HPRT1: variants seen among roughly 807,000 people sequenced by gnomAD.
HPRT1 encodes the protein hypoxanthine phosphoribosyltransferase 1, also known as hypoxanthine-guanine phosphoribosyltransferase.
In HPRT1, 4 loss-of-function variants were observed where a neutral mutation model predicts 19.0. The observed-to-expected ratio is 0.21, with a 90% CI of 0.10 to 0.48. The LOEUF (loss-of-function observed/expected upper bound fraction) is 0.48, where lower values mean the gene tolerates loss of function less well. Among genes scored for constraint, HPRT1 ranks in the 20% least tolerant of loss-of-function variants. The pLI is 0.98. For missense variants in HPRT1, 65 were observed against 164.0 expected (o/e 0.40, Z 3.30); for synonymous variants, 53 against 54.9 (o/e 0.97, Z 0.15).
At chrX:134,477,192 C>T (rs2077628188) in intron 3 of HPRT1, among the ~76,000 whole-genome samples, 1 of 107,000 alleles carries the variant, frequency 9.3e-6, no homozygotes. Context: ...TCCCGAGTAG[C>T]TGGGACTACA....
At chrX:134,460,563 GA>G in intron 1 of HPRT1, 1 of 241,381 alleles carries the variant, frequency 4.1e-6, no homozygotes, top group African/African-American at 2.9e-5. Flanking sequence ...GGAGCCCTGG[GA>G]AAAGAGGACT....
intron 1 of HPRT1, among the ~76,000 whole-genome samples, chrX:134,465,074 C>A (rs2077593597): frequency 9.1e-6 from 1 of 110,347 alleles, no homozygotes; most frequent in African/African-American, 3.3e-5. Flanking sequence ...GCGCCCGCCA[C>A]CACGCCCAGC....
At chrX:134,470,448 T>G (rs1305202374) in intron 1 of HPRT1, among the ~76,000 whole-genome samples, 1 of 112,076 alleles carries the variant, frequency 8.9e-6, no homozygotes, top group African/African-American at 3.2e-5. Context: ...TAAATATGTA[T>G]TTTTAAATGT....
intron 3 of HPRT1, among the ~76,000 whole-genome samples, chrX:134,479,940 T>C (rs2077634957): frequency 9.0e-6 from 1 of 110,634 alleles, no homozygotes; most frequent in Non-Finnish European, 1.9e-5. Context: ...TATTTTATTT[T>C]ATTTTATTTT....
chrX:134,476,415 A>G (rs1416118838), intron 3 of HPRT1, among the ~76,000 whole-genome samples: 1 of 112,536 alleles, frequency 8.9e-6, no homozygotes, highest in Non-Finnish European at 1.9e-5. Flanking sequence ...GTCTTGCTTG[A>G]ATTAAAGACT....
Position 134,500,266 on chromosome X carries a change from A to C in HPRT1, c.*189A>C. 2.3e-6 allele frequency: 1 copy of C among 436,443 alleles called. No homozygotes were observed. Among genetic ancestry groups the C allele is most frequent in the South Asian group, 3.6e-5 (1 of 27,692 alleles). 36.0% of individuals were successfully genotyped at this position (436,443 alleles called of 1,213,427 possible). On this transcript the variant is annotated 3_prime_UTR_variant, in exon 9 of 9. Transcript: ENST00000298556. ...TCCTAAACTGTTTATTTGCACTATG[A>C]GCCTATAGACTATCAGTTCCCTTTG...
At chrX:134,479,696 C>T (rs5978009) in intron 3 of HPRT1, among the ~76,000 whole-genome samples, 2,122 of 110,998 alleles carry the variant, frequency 0.019, 42 homozygotes, top group African/African-American at 0.066. Flanking sequence ...GCAACCTCTG[C>T]GTGGGCTCAA....
chrX:134,492,921 A>G (rs770920814), intron 5 of HPRT1, among the ~76,000 whole-genome samples: 4 of 111,952 alleles, frequency 3.6e-5, no homozygotes, highest in South Asian at 3.7e-4. Context: ...GTCTCCAGCC[A>G]TGATGTTTCT....
At chrX:134,486,393 G>A (rs1235309401) in intron 3 of HPRT1, 72 bp from the exon 4 acceptor site, 2 of 510,952 alleles carry the variant, frequency 3.9e-6, no homozygotes, top group Non-Finnish European at 5.9e-6. Context: ...GTTTGTGTGT[G>A]TACATAAGGA....
intron 5 of HPRT1, among the ~76,000 whole-genome samples, chrX:134,493,171 A>G (rs2077672026): frequency 9.0e-6 from 1 of 111,190 alleles, no homozygotes; most frequent in Admixed American, 9.6e-5. Context: ...TATATTGGAG[A>G]GTTGGGAGGA....
At chrX:134,491,006 GTA>G (rs370671664) in intron 5 of HPRT1, among the ~76,000 whole-genome samples, 76 of 96,262 alleles carry the variant, frequency 7.9e-4, no homozygotes, top group South Asian at 9.8e-4. Context: ...CTCTCTCTAT[GTA>G]TATATATATA....
intron 1 of HPRT1, among the ~76,000 whole-genome samples, chrX:134,472,240 C>T (rs2077612247): frequency 9.0e-6 from 1 of 111,184 alleles, no homozygotes; most frequent in Non-Finnish European, 1.9e-5. Context: ...TCCCAAAGCA[C>T]TGGGATTACA....
At chrX:134,474,371 T>G (rs1188188666) in intron 2 of HPRT1, among the ~76,000 whole-genome samples, 1 of 111,279 alleles carries the variant, frequency 9.0e-6, no homozygotes. Flanking sequence ...TTGAATCATT[T>G]TATACTCCTG....
intron 4 of HPRT1, chrX:134,486,768 C>A: frequency 6.4e-6 from 2 of 310,779 alleles, no homozygotes; most frequent in South Asian, 3.9e-5. Context: ...CTCTGTGGGA[C>A]TCTAATTTGG....
In HPRT1 at chrX:134,495,070, C is replaced by A. The variant is rs184325733; in HGVS notation, c.485+1480C>A. 5.4e-3 allele frequency among the ~76,000 whole-genome samples: 592 copies of A among 110,240 alleles called. 2 individuals are homozygous for A. Among genetic ancestry groups the A allele is most frequent in the African/African-American group, 0.019 (561 of 30,291 alleles). On this transcript the variant is annotated intron_variant, in intron 6 of 8. Coordinates refer to ENST00000298556, the MANE Select transcript of HPRT1 (RefSeq NM_000194.3). Reference sequence around the variant, plus strand: ...ACAAATCTTGTAATGTCTAATATTTCCACTCTCCCTGCTGAGAATTAGTTT... The same window carrying A: ...ACAAATCTTGTAATGTCTAATATTTACACTCTCCCTGCTGAGAATTAGTTT...
At chrX:134,488,170 A>C (rs1332234850) in intron 4 of HPRT1, among the ~76,000 whole-genome samples, 1 of 110,064 alleles carries the variant, frequency 9.1e-6, no homozygotes, top group East Asian at 2.8e-4. Context: ...ATGGAGTCTC[A>C]CTCTGCTGCC....
intron 3 of HPRT1, 64 bp from the exon 4 acceptor site, chrX:134,486,401 G>T (rs2077652742): frequency 1.8e-6 from 1 of 570,425 alleles, no homozygotes; most frequent in Non-Finnish European, 2.6e-6. Context: ...GTGTACATAA[G>T]GATATACATA....
intron 3 of HPRT1, among the ~76,000 whole-genome samples, chrX:134,483,397 A>G (rs1010212253): frequency 9.0e-6 from 1 of 111,691 alleles, no homozygotes; most frequent in African/African-American, 3.3e-5. Flanking sequence ...CTATTTTTTC[A>G]CCTAGACTGA....
intron 6 of HPRT1, among the ~76,000 whole-genome samples, chrX:134,495,382 T>A (rs2077677844): frequency 9.0e-6 from 1 of 111,162 alleles, no homozygotes; most frequent in South Asian, 3.8e-4. Flanking sequence ...TCTGAATGTA[T>A]TTACTCATCT....
Sources: allele counts gnomAD v4.1 joint callset (sites outside exome capture counted in the v4.1 genomes callset), GRCh38; gene constraint gnomAD v4.1.1; transcripts MANE v1.5; gene names NCBI Gene and HGNC (gene_info 2026-07-23, HGNC 2026-07-21).